The following NEGR1 variants were observed in gnomAD, a reference collection of about 807,000 sequenced individuals.
NEGR1 encodes IgLON family member 4.
In NEGR1, 10 loss-of-function variants were observed where a neutral mutation model predicts 40.9. The ratio of observed to expected loss-of-function variants is 0.24; its 90% CI spans 0.15 to 0.42. NEGR1 has a LOEUF of 0.42. Ranked by LOEUF, NEGR1 falls within the 10% of genes least tolerant of loss-of-function variation. The pLI is 1.00. For missense variants in NEGR1, 352 were observed against 438.9 expected (o/e 0.80, Z 1.77); for synonymous variants, 185 against 166.8 (o/e 1.11, Z -0.84).
chr1:71,638,881 A>T (rs1651253440), intron 4 of NEGR1, among the ~76,000 whole-genome samples: 1 of 151,990 alleles, frequency 6.6e-6, no homozygotes, highest in African/African-American at 2.4e-5. Context: ...AAAATATGTC[A>T]CTAGATAATA....
At chr1:71,508,508 C>A (rs1297277633) in intron 6 of NEGR1, among the ~76,000 whole-genome samples, 1 of 152,140 alleles carries the variant, frequency 6.6e-6, no homozygotes, top group African/African-American at 2.4e-5. Flanking sequence ...GGGACTCCTC[C>A]CTACCCAATC....
rs1646219203 is a variant in NEGR1, at chr1:71,397,324, G to GT, written c.*10121dup. ...TGTTGTTAAAGGCATTCAGTGTTCT[G>GT]TTCTGTTTTGTTTTGTTTTTGAGAC... On this transcript the variant is annotated 3_prime_UTR_variant, in exon 7 of 7. Transcript: ENST00000357731. The GT allele has an allele frequency of 6.5e-6, 1 of 154,210 alleles. No homozygotes were observed. Among genetic ancestry groups the GT allele is most frequent in the African/African-American group, 2.4e-5 (1 of 41,446 alleles). 9.6% of individuals were successfully genotyped at this position (154,210 alleles called of 1,614,324 possible).
intron 6 of NEGR1, among the ~76,000 whole-genome samples, chr1:71,562,106 A>G (rs757889571): frequency 2.2e-4 from 33 of 151,738 alleles, no homozygotes; most frequent in Non-Finnish European, 3.8e-4. Context: ...CCCTGTAGCC[A>G]AAAACGTTTC....
chr1:71,643,862 G>C (rs1299273419), intron 4 of NEGR1, among the ~76,000 whole-genome samples: 1 of 151,882 alleles, frequency 6.6e-6, no homozygotes, highest in Non-Finnish European at 1.5e-5. Context: ...GCTTTCCTAT[G>C]GATTTTGCAA....
At chr1:71,526,972 G>T (rs1010873898) in intron 6 of NEGR1, among the ~76,000 whole-genome samples, 5 of 151,406 alleles carry the variant, frequency 3.3e-5, no homozygotes, top group African/African-American at 1.2e-4. Context: ...CTGTACCTTT[G>T]TCCACATTGA....
At chr1:71,803,631 T>G (rs2101751192) in intron 2 of NEGR1, among the ~76,000 whole-genome samples, 1 of 152,332 alleles carries the variant, frequency 6.6e-6, no homozygotes, top group Non-Finnish European at 1.5e-5. Flanking sequence ...AGCTTTTTCC[T>G]TGTACTTCTT....
rs187477982 is a variant in NEGR1 at position 71,883,656 on chromosome 1, G to A, written c.409+51423C>T. Among the ~76,000 whole-genome samples the A allele has an allele frequency of 6.6e-4, 101 of 151,914 alleles. 1 individual carries two copies. The highest frequency in any genetic ancestry group is 5.5e-3 in the East Asian group (28 of 5,136). On this transcript the variant is annotated intron_variant, in intron 2 of 6. Transcript: ENST00000357731. ...TTTGTTACATATGTATACATGCGCC[G>A]TGTTGGTGTGCTGCACCCATTAACT... is the stretch of plus-strand genomic sequence containing the variant.
intron 1 of NEGR1, among the ~76,000 whole-genome samples, chr1:72,181,869 A>T (rs930454007): frequency 1.3e-5 from 2 of 152,140 alleles, no homozygotes; most frequent in African/African-American, 4.8e-5. Context: ...AACAGCAGTT[A>T]CCAGAGGTTG....
At chr1:71,652,289 C>A (rs943136551) in intron 4 of NEGR1, among the ~76,000 whole-genome samples, 1 of 152,160 alleles carries the variant, frequency 6.6e-6, no homozygotes. Context: ...TTTACACTAT[C>A]AATTACTCAG....
intron 1 of NEGR1, among the ~76,000 whole-genome samples, chr1:72,032,848 A>T (rs919151715): frequency 2.0e-5 from 3 of 152,148 alleles, no homozygotes; most frequent in African/African-American, 7.2e-5. Context: ...TTTGAGACCC[A>T]GTTTCCTCAT....
At chr1:71,858,139 CA>C (rs1004491733) in intron 2 of NEGR1, among the ~76,000 whole-genome samples, 5 of 152,078 alleles carry the variant, frequency 3.3e-5, no homozygotes, top group African/African-American at 4.8e-5. Context: ...TGCAGCAACA[CA>C]AACACATTTT....
chr1:71,907,166 C>A (rs565368482), intron 2 of NEGR1, among the ~76,000 whole-genome samples: 4 of 152,134 alleles, frequency 2.6e-5, no homozygotes, highest in Non-Finnish European at 5.9e-5. Context: ...ATGGGTTAAA[C>A]TCATGCTTCC....
intron 1 of NEGR1, among the ~76,000 whole-genome samples, chr1:72,258,436 T>C (rs188612889): frequency 1.3e-5 from 2 of 152,298 alleles, no homozygotes; most frequent in East Asian, 3.9e-4. Context: ...ATTAAGGTTA[T>C]TGAGAATAAA....
intron 1 of NEGR1, among the ~76,000 whole-genome samples, chr1:72,076,216 G>T (rs1453020781): frequency 2.0e-5 from 3 of 152,086 alleles, no homozygotes; most frequent in African/African-American, 7.2e-5. Flanking sequence ...GGACTTTGGG[G>T]AGGTGATTGT....
intron 4 of NEGR1, among the ~76,000 whole-genome samples, chr1:71,634,517 G>T (rs1489049456): frequency 6.6e-6 from 1 of 152,146 alleles, no homozygotes; most frequent in African/African-American, 2.4e-5. Flanking sequence ...AGCCAAGGCT[G>T]CAGGATGGAA....
intron 1 of NEGR1, among the ~76,000 whole-genome samples, chr1:72,084,916 A>C (rs1383839874): frequency 4.6e-5 from 7 of 152,208 alleles, no homozygotes; most frequent in African/African-American, 1.7e-4. Flanking sequence ...ACGATTATAA[A>C]AGTGAGTATT....
rs144398691 is a variant in NEGR1, at chr1:71,810,137, A to T, written c.410-33840T>A. On this transcript the variant is annotated intron_variant, in intron 2 of 6. Transcript: ENST00000357731. ...CAATCTGCACTCTGGATTAACTAGC[A>T]ATGACAGACAGCAGAGCAGCTTTGG... 2.3e-3 allele frequency among the ~76,000 whole-genome samples: 350 copies of T among 152,232 alleles called. 3 individuals carry two copies. The highest frequency in any genetic ancestry group is 7.2e-3 in the African/African-American group (301 of 41,568).
intron 1 of NEGR1, among the ~76,000 whole-genome samples, chr1:72,248,383 G>A (rs964938342): frequency 1.3e-5 from 2 of 151,506 alleles, no homozygotes; most frequent in African/African-American, 4.9e-5. Flanking sequence ...TCAGCCTCCC[G>A]AGTAGCTAGG....
In NEGR1 at chr1:71,883,563, T is replaced by G. The variant is rs1200661726; in HGVS notation, c.409+51516A>C. ...TAAAATATACTTTTTCATGAGAAAT[T>G]AAAGGAGCTATTTTCTTTTTTTATT... On this transcript the variant is annotated intron_variant, in intron 2 of 6. Transcript: ENST00000357731. Among the ~76,000 whole-genome samples the G allele has an allele frequency of 3.3e-5, 5 of 152,134 alleles. No homozygotes were observed. The East Asian group carries it at 9.6e-4, about 29-fold the overall frequency.
Sources: allele counts gnomAD v4.1 joint callset (sites outside exome capture counted in the v4.1 genomes callset), GRCh38; gene constraint gnomAD v4.1.1; transcripts MANE v1.5; gene names NCBI Gene and HGNC (gene_info 2026-07-23, HGNC 2026-07-21).